CHAF1A: variants seen among roughly 807,000 people sequenced by gnomAD.
CHAF1A encodes the protein CAF-1 subunit A.
CHAF1A carries 5 observed loss-of-function variants against 93.2 expected under a neutral mutation model. That is an observed-to-expected ratio of 0.05 (90% CI 0.03 to 0.11). The LOEUF (loss-of-function observed/expected upper bound fraction) is 0.11. Among genes scored for constraint, CHAF1A ranks in the 10% least tolerant of loss-of-function variants. The pLI is 1.00. For missense variants in CHAF1A, 1,102 were observed against 1,259.9 expected (o/e 0.87, Z 1.90); for synonymous variants, 504 against 510.3 (o/e 0.99, Z 0.17).
intron 13 of CHAF1A, among the ~76,000 whole-genome samples, chr19:4,439,601 A>G (rs888142115): frequency 6.6e-6 from 1 of 152,182 alleles, no homozygotes. Context: ...GGGAGGGCCC[A>G]GTGACTTGAG....
chr19:4,446,416 G>A, downstream of CHAF1A: 19 of 1,576,318 alleles, frequency 1.2e-5, no homozygotes, highest in East Asian at 2.3e-5. Flanking sequence ...CCTCGGACCT[G>A]CACACGCGGG....
chr19:4,434,545 A>G (rs891897182), intron 13 of CHAF1A, among the ~76,000 whole-genome samples: 1 of 151,794 alleles, frequency 6.6e-6, no homozygotes, highest in Admixed American at 6.6e-5. Context: ...CAACCTCTCT[A>G]TCTCCGTGGA....
At chr19:4,431,714 T>A (rs1428908918) in intron 11 of CHAF1A, among the ~76,000 whole-genome samples, 1 of 152,148 alleles carries the variant, frequency 6.6e-6, no homozygotes, top group East Asian at 1.9e-4. Context: ...AGAGGCCTCA[T>A]GGGTGAGTTC....
intron 11 of CHAF1A, chr19:4,430,941 C>T (rs1476258859): frequency 5.1e-6 from 2 of 391,906 alleles, no homozygotes; most frequent in East Asian, 5.1e-5. Context: ...AGCTGACATA[C>T]AGTCAGCATG....
At chr19:4,416,530 G>C (rs1438344291) in intron 3 of CHAF1A, among the ~76,000 whole-genome samples, 1 of 152,130 alleles carries the variant, frequency 6.6e-6, no homozygotes, top group Non-Finnish European at 1.5e-5. Context: ...TTGTGCCCTA[G>C]AAGGTAGAAG....
At chr19:4,418,791 A>C (rs1973940397) in intron 4 of CHAF1A, among the ~76,000 whole-genome samples, 1 of 152,112 alleles carries the variant, frequency 6.6e-6, no homozygotes, top group Admixed American at 6.6e-5. Flanking sequence ...GTTATCCTTT[A>C]GTGACTCTCT....
At chr19:4,402,859 G>C in intron 1 of CHAF1A, 45 bp downstream of exon 1, 1 of 1,131,460 alleles carries the variant, frequency 8.8e-7, no homozygotes, top group Non-Finnish European at 1.1e-6. Flanking sequence ...CGCGGCGCGC[G>C]GCCTGGACGG....
At chr19:4,444,124 G>A (rs748953290), downstream of CHAF1A, among the ~76,000 whole-genome samples, 1 of 152,172 alleles carries the variant, frequency 6.6e-6, no homozygotes, top group Non-Finnish European at 1.5e-5. Flanking sequence ...CCGGAATCAG[G>A]TCCTGGGGCC....
At chr19:4,446,610 C>T (rs1018527419), downstream of CHAF1A, 6 of 1,612,544 alleles carry the variant, frequency 3.7e-6, no homozygotes, top group African/African-American at 6.7e-5. Context: ...GCTGCCTGTC[C>T]AGCTTGGCGC....
chr19:4,414,660 A>T (rs1973866980), intron 3 of CHAF1A, among the ~76,000 whole-genome samples: 1 of 152,086 alleles, frequency 6.6e-6, no homozygotes, highest in Non-Finnish European at 1.5e-5. Flanking sequence ...CAGCTGCGTG[A>T]TATCCCATGG....
intron 13 of CHAF1A, among the ~76,000 whole-genome samples, chr19:4,439,741 G>C (rs1974352246): frequency 6.6e-6 from 1 of 152,234 alleles, no homozygotes; most frequent in South Asian, 2.1e-4. Context: ...CTTTCAAAAA[G>C]GTAGTTGAAA....
At chr19:4,425,444 G>A (rs1377551124) in intron 7 of CHAF1A, among the ~76,000 whole-genome samples, 1 of 151,972 alleles carries the variant, frequency 6.6e-6, no homozygotes, top group Non-Finnish European at 1.5e-5. Context: ...AGTAGAGACG[G>A]GGTTTCACCA....
intron 13 of CHAF1A, among the ~76,000 whole-genome samples, chr19:4,434,903 C>T (rs1257154553): frequency 5.9e-5 from 9 of 151,990 alleles, no homozygotes; most frequent in Non-Finnish European, 1.2e-4. Flanking sequence ...GAGGCACAAG[C>T]GCATGGAGCC....
chr19:4,411,644 C>CTTTTTTTTTTTTTTTTTTTTTTTTTTTTT lies in CHAF1A; in HGVS notation c.960+1906_960+1907insTTTTTTTTTTTTTTTTTTTTTTTTTTTTT, dbSNP rs66491258. Among the ~76,000 whole-genome samples, 84 of 48,186 alleles carry CTTTTTTTTTTTTTTTTTTTTTTTTTTTTT rather than the reference C, an allele frequency of 1.7e-3. 31 individuals are homozygous for CTTTTTTTTTTTTTTTTTTTTTTTTTTTTT. The highest frequency in any genetic ancestry group is 2.6e-3 in the Non-Finnish European group (64 of 24,608). The allele number at this position is 48,186 out of a possible 152,430, so 31.6% of individuals were successfully genotyped here. A position where few individuals can be genotyped will look rare whatever the true frequency, so the allele number is the denominator to read the frequency against. On this transcript the variant is annotated intron_variant, in intron 3 of 14. Transcript: ENST00000301280. Reference sequence around the variant, plus strand: ...GAAATGTTGTAAAAATGGTGCAAATCTTTTTTTTTTTTTTTTTTTTTGAGA... The same window carrying CTTTTTTTTTTTTTTTTTTTTTTTTTTTTT: ...GAAATGTTGTAAAAATGGTGCAAATCTTTTTTTTTTTTTTTTTTTTTTTTTTTTTTTTTTTTTTTTTTTTTTTTTTGAGA...
At chr19:4,435,551 G>T (rs957644460) in intron 13 of CHAF1A, among the ~76,000 whole-genome samples, 1 of 152,042 alleles carries the variant, frequency 6.6e-6, no homozygotes, top group Non-Finnish European at 1.5e-5. Context: ...CTAATTTTCT[G>T]TAGAAACAGG....
downstream of CHAF1A, chr19:4,445,489 G>A: frequency 6.2e-7 from 1 of 1,613,802 alleles, no homozygotes; most frequent in Non-Finnish European, 8.5e-7. Flanking sequence ...GGCCAACCCT[G>A]CTTTTATTTC....
At chr19:4,431,513 T>C (rs1974182374) in intron 11 of CHAF1A, among the ~76,000 whole-genome samples, 1 of 152,056 alleles carries the variant, frequency 6.6e-6, no homozygotes, top group Non-Finnish European at 1.5e-5. Flanking sequence ...GGTGGGACTG[T>C]CTCATGGTTG....
intron 3 of CHAF1A, among the ~76,000 whole-genome samples, chr19:4,417,456 G>C (rs1034601837): frequency 2.0e-5 from 2 of 98,552 alleles, no homozygotes; most frequent in South Asian, 3.6e-4. Context: ...GCCAGCTGTC[G>C]CTTTTTTTTT....
At chr19:4,425,123 G>A (rs925172021) in intron 7 of CHAF1A, among the ~76,000 whole-genome samples, 1 of 152,146 alleles carries the variant, frequency 6.6e-6, no homozygotes, top group Non-Finnish European at 1.5e-5. Flanking sequence ...TGTGTATCCT[G>A]AAGGTGCACA....
Sources: gnomAD v4.1 joint callset for allele counts (sites outside exome capture counted in the v4.1 genomes callset) on GRCh38, gnomAD v4.1.1 for gene constraint, MANE v1.5 for transcripts, NCBI Gene and HGNC (gene_info 2026-07-23, HGNC 2026-07-21) for gene names.